Variants in PCDHGB5 observed in about 807,000 individuals in gnomAD.
PCDHGB5 encodes protocadherin gamma subfamily B, 5, also known as protocadherin gamma-B5.
In PCDHGB5, 48 loss-of-function variants were observed where a neutral mutation model predicts 62.9. The observed-to-expected ratio is 0.76, with a 90% CI of 0.61 to 0.97. PCDHGB5 has a LOEUF of 0.97. Ranked by LOEUF, PCDHGB5 falls within the 50% of genes least tolerant of loss-of-function variation. The pLI is 0.00. For synonymous variants in PCDHGB5, 474 were observed against 511.2 expected, an observed-to-expected ratio of 0.93 and a Z score of 0.98; for missense variants, 1,118 against 1,198.6, an observed-to-expected ratio of 0.93 and a Z score of 0.99.
intron 1 of PCDHGB5, chr5:141,419,630 G>A (rs1484627772): frequency 6.2e-7 from 1 of 1,612,430 alleles, no homozygotes; most frequent in South Asian, 1.1e-5. Context: ...GGTGACCAAG[G>A]TGGTGGCCGT....
At chr5:141,405,082 G>A (rs376389835) in intron 1 of PCDHGB5, 21 of 1,613,674 alleles carry the variant, frequency 1.3e-5, no homozygotes, top group East Asian at 2.2e-5. Context: ...TCGTTATCAC[G>A]CTGCTGGCCC....
In PCDHGB5 at chr5:141,431,465, AACG is replaced by A; in HGVS notation, c.2397+30944_2397+30946del. 1.9e-6 allele frequency: 3 copies of A among 1,613,790 alleles called. No homozygotes were observed. The highest frequency in any genetic ancestry group is 2.5e-6 in the Non-Finnish European group (3 of 1,179,970). ...CATCCGCGTGATGGTTCTGGATGCGAACGACAACGCACCAGCGTTTGCTCAGCC... is the reference window on the plus strand; with the variant it reads ...CATCCGCGTGATGGTTCTGGATGCGAACAACGCACCAGCGTTTGCTCAGCC... On this transcript the variant is annotated intron_variant, in intron 1 of 3. Transcript: ENST00000617380. The surrounding 1 kb of genome is among the most constrained non-coding windows in gnomAD (Gnocchi z 4.8).
intron 1 of PCDHGB5, among the ~76,000 whole-genome samples, chr5:141,453,261 A>G (rs1387512741): frequency 6.6e-6 from 1 of 152,028 alleles, no homozygotes; most frequent in Non-Finnish European, 1.5e-5. Context: ...CTGCAAGTGC[A>G]CACCACCATG....
At chr5:141,414,668 A>C in intron 1 of PCDHGB5, 1 of 1,613,856 alleles carries the variant, frequency 6.2e-7, no homozygotes, top group East Asian at 2.2e-5. Context: ...CTGGCTGAAG[A>C]CACCATCCAG....
chr5:141,449,622 T>A (rs889336036), intron 1 of PCDHGB5, among the ~76,000 whole-genome samples: 1 of 150,910 alleles, frequency 6.6e-6, no homozygotes, highest in African/African-American at 2.4e-5. Context: ...AAAAGTTTTT[T>A]AAAAAGATGT....
intron 1 of PCDHGB5, chr5:141,405,262 C>T (rs1352663124): frequency 1.9e-6 from 3 of 1,614,012 alleles, no homozygotes; most frequent in Non-Finnish European, 2.5e-6. Context: ...ACCTGATCTT[C>T]CCCCAGCCCA....
chr5:141,476,483 G>A lies in PCDHGB5; in HGVS notation c.2398-18324G>A. On this transcript the variant is annotated intron_variant, in intron 1 of 3. Coordinates refer to ENST00000617380, the MANE Select transcript of PCDHGB5 (RefSeq NM_018925.3). The surrounding 1 kb of genome is among the most constrained non-coding windows in gnomAD (Gnocchi z 7.6). The stretch of plus-strand genomic sequence containing the variant: ...CCCGCTGGAGCTGTTCAGCGTGGAA[G>A]TGGTGATCCAGGACATCAACGACAA... The A allele has an allele frequency of 3.1e-6, 5 of 1,614,166 alleles. No individual in the cohort carries two copies. Among genetic ancestry groups the A allele is most frequent in the Non-Finnish European group, 4.2e-6 (5 of 1,180,034 alleles).
At position 141,398,898 on chromosome 5, in the gene PCDHGB5, A is replaced by G. The variant is rs565517655; in HGVS notation, c.771A>G (p.Pro257=). 11 of 1,613,922 alleles carry G rather than the reference A, an allele frequency of 6.8e-6. No homozygotes were observed. The African/African-American group carries it at 1.1e-4, about 16-fold the overall frequency. ...TCAGCCTTCGGGAAAACGTGCCACCAGGCACCACTGTGTTGCAAGTGTCAG... is the reference window on the plus strand; with the variant it reads ...TCAGCCTTCGGGAAAACGTGCCACCGGGCACCACTGTGTTGCAAGTGTCAG... ...YRVSLRENVP[P]GTTVLQVSAT... is the part of the protein sequence containing the mutation. Residue 257 remains proline (P), a synonymous_variant, in exon 1 of 4, where the codon CCA becomes CCG. Coordinates refer to ENST00000617380, the MANE Select transcript of PCDHGB5 (RefSeq NM_018925.3).
chr5:141,421,945 AT>A (rs1473318347), intron 1 of PCDHGB5: 1 of 1,613,342 alleles, frequency 6.2e-7, no homozygotes, highest in Non-Finnish European at 8.5e-7. Flanking sequence ...AAATGATCAC[AT>A]CCCAATGTTT....
chr5:141,464,896 G>C (rs1166142533), intron 1 of PCDHGB5, among the ~76,000 whole-genome samples: 2 of 151,554 alleles, frequency 1.3e-5, no homozygotes, highest in African/African-American at 4.8e-5. Context: ...ATGCCACCAT[G>C]TCCAGCTAAT....
intron 1 of PCDHGB5, among the ~76,000 whole-genome samples, chr5:141,435,604 A>T (rs1361568996): frequency 6.6e-6 from 1 of 152,180 alleles, no homozygotes. Flanking sequence ...CCTGCTTTTT[A>T]CATTAAATTC....
At chr5:141,454,875 T>G (rs2098805612) in intron 1 of PCDHGB5, among the ~76,000 whole-genome samples, 1 of 144,402 alleles carries the variant, frequency 6.9e-6, no homozygotes, top group African/African-American at 2.6e-5. Context: ...TGGCACGATC[T>G]TGGCTCACTG....
At chr5:141,423,701 G>A in intron 1 of PCDHGB5, 1 of 1,312,668 alleles carries the variant, frequency 7.6e-7, no homozygotes, top group Non-Finnish European at 9.9e-7. Flanking sequence ...TGGTGTCTTG[G>A]CACAAGTCTT....
Position 141,443,030 on chromosome 5 carries a change from C to A in PCDHGB5, c.2397+42506C>A, listed in dbSNP as rs147317486. ...ATATGACTAATGGAAGTTGCCAGAC[C>A]TAAACTTTGAAAATTATTGTTCCAC... On this transcript the variant is annotated intron_variant, in intron 1 of 3. Transcript: ENST00000617380. Among the ~76,000 whole-genome samples, 31 of 152,290 alleles carry A rather than the reference C, an allele frequency of 2.0e-4. No individual in the cohort carries two copies. The East Asian group carries it at 3.5e-3, about 17-fold the overall frequency.
intron 1 of PCDHGB5, chr5:141,423,068 A>T: frequency 6.2e-7 from 1 of 1,614,090 alleles, no homozygotes; most frequent in Non-Finnish European, 8.5e-7. Context: ...AAGGCCAGCG[A>T]GCCGGGACTC....
rs1347415154 is a variant in PCDHGB5 at position 141,400,294 on chromosome 5, T to TTGCC, written c.2168_2169insGCCT (p.Phe723LeufsTer40). The TTGCC allele has an allele frequency of 6.2e-7, 1 of 1,614,070 alleles. No individual in the cohort carries two copies. The highest frequency in any genetic ancestry group is 1.3e-5 in the African/African-American group (1 of 75,074). On this transcript the variant is annotated frameshift_variant, in exon 1 of 4. Transcript: ENST00000617380. LOFTEE classifies it high-confidence loss of function. ...CTCCAGCCCTGCCGCCTGGAGCTGC[T>TTGCC]TCCAACCTGGTCTCTGTGTCAAGTC... is the stretch of plus-strand genomic sequence containing the variant.
In PCDHGB5 at chr5:141,400,190, T is replaced by C; in HGVS notation, c.2063T>C (p.Leu688Pro). The C allele has an allele frequency of 1.2e-6, 2 of 1,614,016 alleles. No homozygotes were observed. Among genetic ancestry groups the C allele is most frequent in the Non-Finnish European group, 1.7e-6 (2 of 1,179,864 alleles). The change falls in exon 1 of 4, where the codon CTA (leucine) becomes CCA (proline). Residue 688 changes from leucine to proline, a missense_variant. Leu to Pro is a moderately conservative substitution (Grantham distance 98). Around this residue, in one of 2 missense-constraint regions of PCDHGB5, gnomAD observed 1,034 missense variants for 1,029.1 expected, o/e 1.00. Coordinates refer to ENST00000617380, the MANE Select transcript of PCDHGB5 (RefSeq NM_018925.3). ...SDPQAELQFY[L>P]VVALALISVL... ...CCCCAGGCTGAGCTGCAGTTTTACC[T>C]AGTGGTGGCCTTGGCCTTGATCTCA...
At chr5:141,506,278 G>A (rs1001662623) in intron 3 of PCDHGB5, among the ~76,000 whole-genome samples, 1 of 152,090 alleles carries the variant, frequency 6.6e-6, no homozygotes. Flanking sequence ...GTGAAACCCT[G>A]TCTCTACTAA....
At chr5:141,441,703 A>C (rs1329703451) in intron 1 of PCDHGB5, 2 of 312,092 alleles carry the variant, frequency 6.4e-6, no homozygotes, top group Non-Finnish European at 1.3e-5. Context: ...CGAGCCTTCA[A>C]GCTCACGCTG....
Sources: allele counts gnomAD v4.1 joint callset (sites outside exome capture counted in the v4.1 genomes callset), GRCh38; gene constraint gnomAD v4.1.1; regional missense constraint gnomAD v4.1.1; non-coding constraint Gnocchi (gnomAD v3.1); transcripts MANE v1.5; gene names NCBI Gene and HGNC (gene_info 2026-07-23, HGNC 2026-07-21).